Variants in WDR72 observed in about 807,000 individuals in gnomAD.
WDR72 encodes WD repeat domain 72, also known as WD repeat-containing protein 72.
WDR72 carries 120 observed loss-of-function variants against 124.2 expected under a neutral mutation model. The ratio of observed to expected loss-of-function variants is 0.97; its 90% CI spans 0.83 to 1.12. The LOEUF (loss-of-function observed/expected upper bound fraction) is 1.12. Ranked by LOEUF, WDR72 falls within the 50% of genes most tolerant of loss-of-function variation. WDR72 has a pLI of 0.00. For missense variants in WDR72, 1,387 were observed against 1,278.8 expected, an observed-to-expected ratio of 1.08 and a Z score of -1.29; for synonymous variants, 452 against 441.7, an observed-to-expected ratio of 1.02 and a Z score of -0.29.
At chr15:53,641,402 T>C (rs756531311) in intron 14 of WDR72, among the ~76,000 whole-genome samples, 8 of 152,002 alleles carry the variant, frequency 5.3e-5, no homozygotes, top group Non-Finnish European at 1.2e-4. Flanking sequence ...GACAGAGAGA[T>C]AATATGTTTG....
intron 3 of WDR72, 58 bp downstream of exon 3, chr15:53,722,744 T>C (rs555815422): frequency 1.4e-6 from 2 of 1,458,474 alleles, no homozygotes; most frequent in African/African-American, 2.8e-5. Context: ...TATTCCATTG[T>C]AGTTTTTAAA....
chr15:53,554,121 A>C (rs571848018), intron 18 of WDR72, among the ~76,000 whole-genome samples: 1 of 152,226 alleles, frequency 6.6e-6, no homozygotes, highest in South Asian at 2.1e-4. Flanking sequence ...GCCAAATTCC[A>C]GTTTAGCTAA....
chr15:53,613,975 C>A (rs1175745515), intron 15 of WDR72, among the ~76,000 whole-genome samples: 1 of 151,974 alleles, frequency 6.6e-6, no homozygotes, highest in African/African-American at 2.4e-5. Flanking sequence ...AGGCTCCCAC[C>A]TAAAATCTTA....
chr15:53,574,495 G>A (rs11635835), intron 18 of WDR72, among the ~76,000 whole-genome samples: 48,216 of 151,852 alleles, frequency 0.32, 8,164 homozygotes, highest in Admixed American at 0.42. Context: ...CTCAGATTTC[G>A]GAAATGATAA....
At chr15:53,527,718 A>G (rs1253704415) in intron 18 of WDR72, among the ~76,000 whole-genome samples, 1 of 152,078 alleles carries the variant, frequency 6.6e-6, no homozygotes, top group African/African-American at 2.4e-5. Context: ...CCACTGCAGT[A>G]CCAGACCAAA....
At chr15:53,732,315 C>G (rs2018224893) in intron 2 of WDR72, among the ~76,000 whole-genome samples, 1 of 152,194 alleles carries the variant, frequency 6.6e-6, no homozygotes, top group South Asian at 2.1e-4. Context: ...TTAATGAGGG[C>G]AGTATACTTT....
At chr15:53,705,272 T>A in intron 10 of WDR72, 39 bp from the exon 11 acceptor site, 1 of 1,599,988 alleles carries the variant, frequency 6.3e-7, no homozygotes, top group Non-Finnish European at 8.5e-7. Flanking sequence ...ATTTGGTTTA[T>A]CAGTACATCA....
intron 18 of WDR72, among the ~76,000 whole-genome samples, chr15:53,547,950 A>AAG (rs1243266081): frequency 6.6e-6 from 1 of 152,178 alleles, no homozygotes; most frequent in Non-Finnish European, 1.5e-5. Context: ...AAGAAAAGAA[A>AAG]AGAAAAAAAA....
intron 2 of WDR72, among the ~76,000 whole-genome samples, chr15:53,724,845 A>G (rs1017412472): frequency 1.3e-5 from 2 of 152,236 alleles, no homozygotes; most frequent in African/African-American, 4.8e-5. Context: ...AGTTAATATA[A>G]AAACGACTAA....
chr15:53,592,340 T>C (rs1367847180), intron 18 of WDR72, among the ~76,000 whole-genome samples: 1 of 151,958 alleles, frequency 6.6e-6, no homozygotes, highest in East Asian at 1.9e-4. Flanking sequence ...CTACAAATAA[T>C]GGCAGTCAGG....
intron 18 of WDR72, among the ~76,000 whole-genome samples, chr15:53,573,413 G>A (rs1894629193): frequency 6.6e-6 from 1 of 152,074 alleles, no homozygotes; most frequent in Non-Finnish European, 1.5e-5. Context: ...AATTCTGTAT[G>A]TATTCAAAGG....
chr15:53,696,975 A>G (rs1348337281), intron 13 of WDR72, among the ~76,000 whole-genome samples: 1 of 152,228 alleles, frequency 6.6e-6, no homozygotes, highest in Non-Finnish European at 1.5e-5. Context: ...ACAAATGTGA[A>G]GGTCTGGGTA....
chr15:53,597,228 T>G lies in WDR72; in HGVS notation c.2999A>C (p.His1000Pro), dbSNP rs374293761. The change falls in exon 18 of 20, where the codon CAC (histidine) becomes CCC (proline). Residue 1000 changes from histidine to proline, a missense_variant. By Grantham distance (77) the His-to-Pro change is moderately conservative (BLOSUM62 -2). Coordinates refer to ENST00000360509, the MANE Select transcript of WDR72 (RefSeq NM_182758.4). ...QAVLLAEVQQ[H>P]MKSLGKIPVN... ...GGGTATCTTTCCCAAACTCTTCATG[T>G]GTTGTTGAACTTCCGCCAAGAGAAC... is the stretch of plus-strand genomic sequence containing the variant. 8.7e-6 allele frequency: 14 copies of G among 1,613,758 alleles called. No individual in the cohort carries two copies. Among genetic ancestry groups the G allele is most frequent in the Non-Finnish European group, 1.2e-5 (14 of 1,179,866 alleles).
At chr15:53,685,601 T>G (rs2016591290) in intron 13 of WDR72, among the ~76,000 whole-genome samples, 1 of 148,734 alleles carries the variant, frequency 6.7e-6, no homozygotes, top group East Asian at 2.0e-4. Flanking sequence ...TACCTGAAAG[T>G]GATGGGGAGA....
chr15:53,598,425 G>C (rs7171915), intron 17 of WDR72, among the ~76,000 whole-genome samples: 20,964 of 152,086 alleles, frequency 0.14, 2,243 homozygotes, highest in African/African-American at 0.3. Flanking sequence ...ACAACACCGA[G>C]AGTGGTGACC....
chr15:53,706,704 T>C lies in WDR72; in HGVS notation c.955-630A>G, dbSNP rs531452537. Among the ~76,000 whole-genome samples the C allele has an allele frequency of 1.3e-4, 20 of 152,108 alleles. No homozygotes were observed. In the South Asian group the frequency reaches 2.3e-3, roughly 17 times the overall value. ...TAACATTTGTATAGTAATTTTGTTA[T>C]TAATATGTTTTCTACATTTTGTTGA... On this transcript the variant is annotated intron_variant, in intron 9 of 19. Coordinates refer to ENST00000360509, the MANE Select transcript of WDR72 (RefSeq NM_182758.4).
chr15:53,706,499 A>C (rs894790204), intron 9 of WDR72, among the ~76,000 whole-genome samples: 4 of 151,064 alleles, frequency 2.6e-5, no homozygotes, highest in African/African-American at 9.7e-5. Context: ...CATTTTACAG[A>C]CAAGAAAACT....
At chr15:53,632,288 C>G (rs556200047) in intron 14 of WDR72, among the ~76,000 whole-genome samples, 1 of 152,058 alleles carries the variant, frequency 6.6e-6, no homozygotes, top group East Asian at 1.9e-4. Flanking sequence ...TGCTTCAGAG[C>G]GTGCAAGTGG....
chr15:53,739,363 G>A (rs2018445467), intron 1 of WDR72, among the ~76,000 whole-genome samples: 1 of 152,106 alleles, frequency 6.6e-6, no homozygotes, highest in Non-Finnish European at 1.5e-5. Context: ...CACTCCTGAG[G>A]GCTCCGCAGT....
Sources: gnomAD v4.1 joint callset for allele counts (sites outside exome capture counted in the v4.1 genomes callset) on GRCh38, gnomAD v4.1.1 for gene constraint, MANE v1.5 for transcripts, NCBI Gene and HGNC (gene_info 2026-07-23, HGNC 2026-07-21) for gene names.